The following ADCY2 variants were observed in gnomAD, a reference collection of about 807,000 sequenced individuals.
The protein encoded by ADCY2 is adenylate cyclase type 2.
A neutral mutation model predicts 125.2 loss-of-function variants in ADCY2; 31 were observed. The ratio of observed to expected loss-of-function variants is 0.25; its 90% CI spans 0.19 to 0.33. ADCY2 has a LOEUF of 0.33. Ranked by LOEUF, ADCY2 falls within the 10% of genes least tolerant of loss-of-function variation. The probability of loss-of-function intolerance (pLI) is 1.00; values close to 1 mark genes in which losing one functional copy is unlikely to be tolerated. For synonymous variants in ADCY2, 512 were observed against 548.4 expected (o/e 0.93, Z 0.93); for missense variants, 904 against 1,418.2 (o/e 0.64, Z 5.82).
At chr5:7,777,409 CA>C (rs1314997750) in intron 18 of ADCY2, among the ~76,000 whole-genome samples, 1 of 152,202 alleles carries the variant, frequency 6.6e-6, no homozygotes, top group East Asian at 1.9e-4. Flanking sequence ...AATGAATGAA[CA>C]AAAGCATGTC....
intron 3 of ADCY2, among the ~76,000 whole-genome samples, chr5:7,559,480 C>A (rs113509501): frequency 0.081 from 12,353 of 151,970 alleles, 719 homozygotes; most frequent in Non-Finnish European, 0.13. Context: ...TCAGCTTGAC[C>A]GTTGTTGGTG....
intron 3 of ADCY2, among the ~76,000 whole-genome samples, chr5:7,542,000 AC>A (rs1322239178): frequency 2.6e-5 from 4 of 152,150 alleles, no homozygotes; most frequent in African/African-American, 9.7e-5. Context: ...ACTAGCATTT[AC>A]TTTTCCAAGC....
intron 3 of ADCY2, among the ~76,000 whole-genome samples, chr5:7,582,860 G>A (rs1026198795): frequency 1.3e-5 from 2 of 152,070 alleles, no homozygotes; most frequent in African/African-American, 4.8e-5. Context: ...GCATGCAAAT[G>A]AAGAGAGGCC....
At position 7,564,419 on chromosome 5, in the gene ADCY2, T is replaced by G. The variant is rs76239179; in HGVS notation, c.570+43520T>G. ...AATAACCATGGCCTACTACAGGGTT[T>G]CCAGCATGCTGGGCACTTTTCTTAG... On this transcript the variant is annotated intron_variant, in intron 3 of 24. Transcript: ENST00000338316. Among the ~76,000 whole-genome samples, 403 of 152,324 alleles carry G rather than the reference T, an allele frequency of 2.6e-3. 2 individuals carry two copies. Among genetic ancestry groups the G allele is most frequent in the African/African-American group, 9.0e-3 (374 of 41,584 alleles).
At chr5:7,715,915 A>G (rs918967341) in intron 11 of ADCY2, among the ~76,000 whole-genome samples, 3 of 152,222 alleles carry the variant, frequency 2.0e-5, no homozygotes, top group Non-Finnish European at 4.4e-5. Flanking sequence ...TAGATGGTCT[A>G]TTCATTTGTA....
At chr5:7,406,219 G>C (rs1268625089) in intron 1 of ADCY2, among the ~76,000 whole-genome samples, 1 of 152,116 alleles carries the variant, frequency 6.6e-6, no homozygotes, top group Non-Finnish European at 1.5e-5. Flanking sequence ...TGACCCTAAA[G>C]TCTTGTCTGT....
rs555332765 is a variant in ADCY2 at position 7,639,402 on chromosome 5, G to C, written c.720+13086G>C. ...CTGCACAGCAGTGAGAAAGGCTTAG[G>C]ACACCTGTTGCTGCTTTCTCACATT... On this transcript the variant is annotated intron_variant, in intron 4 of 24. Coordinates refer to ENST00000338316, the MANE Select transcript of ADCY2 (RefSeq NM_020546.3). Among the ~76,000 whole-genome samples the C allele has an allele frequency of 2.2e-4, 33 of 152,294 alleles. No individual in the cohort carries two copies. In the South Asian group the frequency reaches 6.2e-3, roughly 29 times the overall value.
chr5:7,745,540 C>T (rs1742571380), intron 15 of ADCY2, among the ~76,000 whole-genome samples: 1 of 152,196 alleles, frequency 6.6e-6, no homozygotes, highest in African/African-American at 2.4e-5. Flanking sequence ...CCTGATGGAA[C>T]TCTTTGGCAA....
chr5:7,812,402 C>A lies in ADCY2; in HGVS notation c.2884-4464C>A, dbSNP rs368243288. ...TCAAAGACACTTAAAAGGTCAGACA[C>A]CTTGGTCGTTGTTAAAGCTGTAAGT... On this transcript the variant is annotated intron_variant, in intron 22 of 24. Coordinates refer to ENST00000338316, the MANE Select transcript of ADCY2 (RefSeq NM_020546.3). 8.5e-5 allele frequency among the ~76,000 whole-genome samples: 13 copies of A among 152,290 alleles called. No individual in the cohort carries two copies. In the East Asian group the frequency reaches 1.9e-3, roughly 23 times the overall value.
At chr5:7,522,024 GC>G (rs1459649722) in intron 3 of ADCY2, among the ~76,000 whole-genome samples, 2 of 152,152 alleles carry the variant, frequency 1.3e-5, no homozygotes, top group Non-Finnish European at 2.9e-5. Context: ...AGGCCATATG[GC>G]TCCTCTCTGC....
At chr5:7,452,282 T>C (rs538487002) in intron 2 of ADCY2, among the ~76,000 whole-genome samples, 1 of 152,272 alleles carries the variant, frequency 6.6e-6, no homozygotes, top group South Asian at 2.1e-4. Context: ...CAATGTGCAT[T>C]ATATCTCTCT....
At chr5:7,406,431 C>T (rs776024091) in intron 1 of ADCY2, among the ~76,000 whole-genome samples, 6 of 152,186 alleles carry the variant, frequency 3.9e-5, no homozygotes, top group Non-Finnish European at 5.9e-5. Context: ...CTTCTGCTCT[C>T]CCAAAAGAAG....
chr5:7,725,717 C>G (rs1196948836), intron 13 of ADCY2, among the ~76,000 whole-genome samples: 1 of 152,082 alleles, frequency 6.6e-6, no homozygotes, highest in South Asian at 2.1e-4. Context: ...TGCACAAAGG[C>G]CTGAAGAAGT....
intron 23 of ADCY2, 38 bp downstream of exon 23, chr5:7,817,018 C>A: frequency 6.6e-7 from 1 of 1,511,142 alleles, no homozygotes; most frequent in Non-Finnish European, 9.2e-7. Flanking sequence ...TCAGTTGTGG[C>A]AAAGATGTGG....
Position 7,584,723 on chromosome 5 carries a change from G to C in ADCY2, c.571-41444G>C, listed in dbSNP as rs74635663. On this transcript the variant is annotated intron_variant, in intron 3 of 24. Coordinates refer to ENST00000338316, the MANE Select transcript of ADCY2 (RefSeq NM_020546.3). ...AAAATTTTTATTTATCAGAAATGCA[G>C]GTGTACAAAAAGATCATATCTTCAT... 5.1e-3 allele frequency among the ~76,000 whole-genome samples: 771 copies of C among 152,166 alleles called. 7 individuals are homozygous for C. The highest frequency in any genetic ancestry group is 0.018 in the African/African-American group (752 of 41,550).
At chr5:7,549,577 A>G (rs1185882639) in intron 3 of ADCY2, among the ~76,000 whole-genome samples, 2 of 152,214 alleles carry the variant, frequency 1.3e-5, no homozygotes, top group Non-Finnish European at 2.9e-5. Context: ...GCAAGTGCTC[A>G]TTTGCTGCTG....
At position 7,511,642 on chromosome 5, in the gene ADCY2, CA is replaced by C. The variant is rs200303552; in HGVS notation, c.409-9095del. On this transcript the variant is annotated intron_variant, in intron 2 of 24. Transcript: ENST00000338316. ...CGAGGGGTTTTTTAGATAGGGAGAT[CA>C]GGGGGATTCTCTCTGGGGAGGTGAC... is the stretch of plus-strand genomic sequence containing the variant. Among the ~76,000 whole-genome samples the C allele has an allele frequency of 9.2e-3, 1,394 of 152,046 alleles. 24 individuals carry two copies. The highest frequency in any genetic ancestry group is 0.032 in the African/African-American group (1,308 of 41,486).
intron 18 of ADCY2, among the ~76,000 whole-genome samples, chr5:7,774,827 G>C (rs528961600): frequency 1.3e-5 from 2 of 152,240 alleles, no homozygotes; most frequent in Admixed American, 1.3e-4. Flanking sequence ...GCACGCACCT[G>C]TCTCTCACTT....
At chr5:7,582,118 G>A (rs1400076238) in intron 3 of ADCY2, among the ~76,000 whole-genome samples, 1 of 152,096 alleles carries the variant, frequency 6.6e-6, no homozygotes, top group Non-Finnish European at 1.5e-5. Context: ...AGGTTGGAGT[G>A]GCTAGGTTAA....
Sources: allele counts gnomAD v4.1 joint callset (sites outside exome capture counted in the v4.1 genomes callset), GRCh38; gene constraint gnomAD v4.1.1; transcripts MANE v1.5; gene names NCBI Gene and HGNC (gene_info 2026-07-23, HGNC 2026-07-21).